KANSL3: variants seen among roughly 807,000 people sequenced by gnomAD.
KANSL3 encodes NSL complex protein NSL3.
A neutral mutation model predicts 89.2 loss-of-function variants in KANSL3; 16 were observed. The observed-to-expected ratio is 0.18, with a 90% CI of 0.12 to 0.27. The LOEUF is 0.27. Among genes scored for constraint, KANSL3 ranks in the 10% least tolerant of loss-of-function variants. The pLI, the probability that KANSL3 is intolerant of heterozygous loss-of-function variation, is 1.00. For missense variants in KANSL3, 879 were observed against 1,110.6 expected (o/e 0.79, Z 2.96); for synonymous variants, 385 against 419.7 (o/e 0.92, Z 1.01).
At chr2:96,596,176 TAG>T (rs2066510473) in intron 20 of KANSL3, among the ~76,000 whole-genome samples, 1 of 152,214 alleles carries the variant, frequency 6.6e-6, no homozygotes. Context: ...AGGAAGCAAG[TAG>T]AGAGGGTGGC....
chr2:96,603,861 C>T (rs13413510), intron 17 of KANSL3: 2,130 of 158,172 alleles, frequency 0.013, 46 homozygotes, highest in African/African-American at 0.047. Flanking sequence ...AGAATTCCAA[C>T]GGTATGACAT....
At chr2:96,628,975 T>C (rs1199876883) in intron 3 of KANSL3, among the ~76,000 whole-genome samples, 1 of 152,140 alleles carries the variant, frequency 6.6e-6, no homozygotes, top group Non-Finnish European at 1.5e-5. Context: ...GTCAGGCTGC[T>C]TGGTTTGAAC....
At chr2:96,595,899 G>A (rs1222735290) in intron 20 of KANSL3, among the ~76,000 whole-genome samples, 2 of 152,198 alleles carry the variant, frequency 1.3e-5, no homozygotes, top group African/African-American at 2.4e-5. Context: ...GTAAGAGGTA[G>A]ATGACAGCAT....
intron 3 of KANSL3, among the ~76,000 whole-genome samples, chr2:96,629,702 C>A (rs1382229788): frequency 1.3e-5 from 2 of 152,216 alleles, no homozygotes; most frequent in South Asian, 4.1e-4. Flanking sequence ...CTGCTCCTCC[C>A]TCAACAGCTG....
At chr2:96,612,218 T>G in intron 9 of KANSL3, 64 bp downstream of exon 9, 1 of 1,121,298 alleles carries the variant, frequency 8.9e-7, no homozygotes. Context: ...AAGGACTCAA[T>G]GGTAGCTATG....
At chr2:96,596,515 A>G (rs990603512) in intron 20 of KANSL3, among the ~76,000 whole-genome samples, 6 of 152,368 alleles carry the variant, frequency 3.9e-5, no homozygotes, top group Non-Finnish European at 7.3e-5. Flanking sequence ...AATCACACCA[A>G]TGAAGAGGAG....
chr2:96,612,770 A>G (rs1382500627), intron 7 of KANSL3, 48 bp downstream of exon 7: 2 of 1,437,078 alleles, frequency 1.4e-6, no homozygotes, highest in Non-Finnish European at 1.9e-6. Context: ...CAATCCTCCA[A>G]GACTATATTC....
At chr2:96,599,407 A>G (rs2066874166) in intron 20 of KANSL3, among the ~76,000 whole-genome samples, 1 of 152,220 alleles carries the variant, frequency 6.6e-6, no homozygotes, top group Non-Finnish European at 1.5e-5. Context: ...CATGGCTAAA[A>G]TGGTACATTG....
At chr2:96,586,410 G>T in the KANSL3 span, among the ~76,000 whole-genome samples, 1 of 151,946 alleles carries the variant, frequency 6.6e-6, no homozygotes, top group African/African-American at 2.4e-5. Flanking sequence ...ACAACTACTG[G>T]AATCAAATTT....
chr2:96,581,423 CAA>C, the KANSL3 span, among the ~76,000 whole-genome samples: 20 of 108,748 alleles, frequency 1.8e-4, no homozygotes, highest in Admixed American at 1.9e-4. Context: ...GACTCCATCT[CAA>C]AAAAAAAAAA....
chr2:96,607,058 T>C (rs754258108), intron 14 of KANSL3: 44 of 1,281,426 alleles, frequency 3.4e-5, no homozygotes, highest in Non-Finnish European at 4.5e-5. Context: ...CTGGAATGAA[T>C]CAGAAAGAAT....
At position 96,604,210 on chromosome 2, in the gene KANSL3, A is replaced by T. The variant is rs758546105; in HGVS notation, c.2149+40T>A. On this transcript the variant is annotated intron_variant, in intron 17 of 20. Transcript: ENST00000431828. Reference sequence around the variant, plus strand: ...ACCACCCAGAAGCAGCAGACCAAAAATTCTGTGTTGGAAGGGGAGAATGCT... The same window carrying T: ...ACCACCCAGAAGCAGCAGACCAAAATTTCTGTGTTGGAAGGGGAGAATGCT... 4 of 1,550,832 alleles carry T rather than the reference A, an allele frequency of 2.6e-6. No individual in the cohort carries two copies. In the South Asian group the frequency reaches 4.9e-5, roughly 19 times the overall value.
chr2:96,584,093 T>C, the KANSL3 span, among the ~76,000 whole-genome samples: 6 of 152,238 alleles, frequency 3.9e-5, no homozygotes, highest in Admixed American at 6.5e-5. Flanking sequence ...TGTATTCTGG[T>C]TATATGTGTG....
Position 96,622,161 on chromosome 2 carries a change from C to T in KANSL3, c.387-2399G>A, listed in dbSNP as rs747811410. Among the ~76,000 whole-genome samples, 4 of 150,984 alleles carry T rather than the reference C, an allele frequency of 2.6e-5. No homozygotes were observed. The East Asian group carries it at 5.8e-4, about 22-fold the overall frequency. On this transcript the variant is annotated intron_variant, in intron 3 of 20. Transcript: ENST00000431828. ...AAATGCAGCCAGGCAAAGTGGCTCA[C>T]GCCTATAATCCCAGCACTTTGGGAG... is the stretch of plus-strand genomic sequence containing the variant.
Position 96,602,796 on chromosome 2 carries a change from G to A in KANSL3, c.2216C>T (p.Thr739Ile), listed in dbSNP as rs780767760. The A allele has an allele frequency of 2.9e-5, 47 of 1,611,614 alleles. No individual in the cohort carries two copies. The highest frequency in any genetic ancestry group is 3.7e-5 in the Non-Finnish European group (44 of 1,178,712). Residue 739 changes from threonine (T) to isoleucine (I), a missense_variant, in exon 18 of 21, where the codon ACC (threonine) becomes ATC (isoleucine). By Grantham distance (89) the Thr-to-Ile change is moderately conservative (BLOSUM62 -1). This residue lies in a region of KANSL3 where 89 missense variants were observed against 139.7 expected (regional missense o/e 0.64). Transcript: ENST00000431828. ...SFSLQDISSK[T>I]SGLPANPSPG... Reference sequence around the variant, plus strand: ...GGAGGGATTTGCTGGAAGGCCAGAGGTCTTGCTGCTGATATCCTGCAAGCT... The same window carrying A: ...GGAGGGATTTGCTGGAAGGCCAGAGATCTTGCTGCTGATATCCTGCAAGCT...
chr2:96,622,388 C>T (rs372705233), intron 3 of KANSL3, among the ~76,000 whole-genome samples: 3 of 147,728 alleles, frequency 2.0e-5, no homozygotes, highest in East Asian at 3.9e-4. Flanking sequence ...TGCCACGGGG[C>T]GACAGAACAA....
In KANSL3 at chr2:96,605,523, A is replaced by G. The variant is rs143688825; in HGVS notation, c.1742-12T>C. ...TGATGAAATGGGAACTAAGACATGG[A>G]GCTGAGTTGAGATCCTCCACAATCC... is the stretch of plus-strand genomic sequence containing the variant. On this transcript the variant is annotated splice_polypyrimidine_tract_variant and intron_variant, in intron 14 of 20. Coordinates refer to ENST00000431828, the MANE Select transcript of KANSL3 (RefSeq NM_001115016.3). The G allele has an allele frequency of 1.9e-5, 31 of 1,608,840 alleles. 2 individuals carry two copies. The African/African-American group carries it at 3.6e-4, about 19-fold the overall frequency.
At chr2:96,587,138 G>A in the KANSL3 span, among the ~76,000 whole-genome samples, 1 of 152,232 alleles carries the variant, frequency 6.6e-6, no homozygotes, top group Admixed American at 6.5e-5. Context: ...TGTTGAAGTA[G>A]GCCAAGTGGG....
At chr2:96,588,773 G>T (rs981319394), downstream of KANSL3, among the ~76,000 whole-genome samples, 3 of 151,716 alleles carry the variant, frequency 2.0e-5, no homozygotes, top group Non-Finnish European at 1.5e-5. Context: ...GTATTTTTTT[G>T]AGTAGAGACA....
Sources: gnomAD v4.1 joint callset for allele counts (sites outside exome capture counted in the v4.1 genomes callset) on GRCh38, gnomAD v4.1.1 for gene constraint, gnomAD v4.1.1 regional missense constraint, MANE v1.5 for transcripts, NCBI Gene and HGNC (gene_info 2026-07-23, HGNC 2026-07-21) for gene names.